The following TSHZ3 variants were observed in gnomAD, a reference collection of about 807,000 sequenced individuals.
TSHZ3 encodes teashirt homolog 3.
A neutral mutation model predicts 64.5 loss-of-function variants in TSHZ3; 10 were observed. That is an observed-to-expected ratio of 0.16 (90% confidence interval 0.10 to 0.26). The LOEUF is 0.26. TSHZ3 is among the 10% of genes least tolerant of loss of function. TSHZ3 has a pLI of 1.00. For missense variants in TSHZ3, 1,242 were observed against 1,421.7 expected (o/e 0.87, Z 2.03); for synonymous variants, 608 against 593.1 (o/e 1.03, Z -0.36).
chr19:31,298,737 A>T (rs1976703672), intron 1 of TSHZ3, among the ~76,000 whole-genome samples: 2 of 152,106 alleles, frequency 1.3e-5, no homozygotes, highest in Admixed American at 1.3e-4. Context: ...ACGCTTAGAG[A>T]GACAGAGAAT....
chr19:31,256,616 A>G (rs1273541135), intron 1 of TSHZ3, among the ~76,000 whole-genome samples: 1 of 152,094 alleles, frequency 6.6e-6, no homozygotes, highest in Non-Finnish European at 1.5e-5. Context: ...TTCATTTTCC[A>G]TTCATTCATT....
At chr19:31,311,944 G>A (rs1257834566) in intron 1 of TSHZ3, among the ~76,000 whole-genome samples, 1 of 152,036 alleles carries the variant, frequency 6.6e-6, no homozygotes, top group Non-Finnish European at 1.5e-5. Context: ...GGCTGGTCTC[G>A]AACTCCTGAC....
intron 1 of TSHZ3, among the ~76,000 whole-genome samples, chr19:31,346,897 C>T (rs2021535837): frequency 6.6e-6 from 1 of 151,602 alleles, no homozygotes; most frequent in African/African-American, 2.4e-5. Context: ...AGTCCGCCTC[C>T]ACCCCCTCCT....
chr19:31,345,447 G>A (rs1479169867), intron 1 of TSHZ3, among the ~76,000 whole-genome samples: 2 of 152,296 alleles, frequency 1.3e-5, no homozygotes, highest in Non-Finnish European at 2.9e-5. Flanking sequence ...CACCTCTTAG[G>A]CATGCCCATG....
chr19:31,212,250 G>T (rs1217629197), intron 4 of TSHZ3, among the ~76,000 whole-genome samples: 4 of 152,076 alleles, frequency 2.6e-5, no homozygotes, highest in African/African-American at 7.2e-5. Flanking sequence ...GAGGTCAGGA[G>T]TTCGAGACCA....
At chr19:31,273,696 CCT>C (rs1233794436), downstream of TSHZ3, among the ~76,000 whole-genome samples, 5 of 152,200 alleles carry the variant, frequency 3.3e-5, no homozygotes, top group Admixed American at 6.5e-5. Flanking sequence ...GTCTCTGTCC[CCT>C]GAGACGCATT....
At chr19:31,229,278 G>T (rs1453004456) in intron 3 of TSHZ3, among the ~76,000 whole-genome samples, 2 of 152,186 alleles carry the variant, frequency 1.3e-5, no homozygotes, top group Admixed American at 6.5e-5. Context: ...AGAAAGATTA[G>T]AAACATTTGC....
intron 3 of TSHZ3, among the ~76,000 whole-genome samples, chr19:31,235,362 A>T (rs952615195): frequency 2.0e-5 from 3 of 151,664 alleles, no homozygotes; most frequent in East Asian, 3.9e-4. Flanking sequence ...CCCAACCCCA[A>T]CCCCTGATAG....
intron 4 of TSHZ3, among the ~76,000 whole-genome samples, chr19:31,209,199 GA>G (rs1386289359): frequency 6.6e-6 from 1 of 151,750 alleles, no homozygotes. Context: ...AGGTGCAGGG[GA>G]AAAAAAAGAA....
At chr19:31,155,391 T>C (rs975215455) in intron 6 of TSHZ3, among the ~76,000 whole-genome samples, 1 of 152,238 alleles carries the variant, frequency 6.6e-6, no homozygotes, top group African/African-American at 2.4e-5. Flanking sequence ...GCCATAAATC[T>C]AATTTGTTTC....
At chr19:31,292,972 T>C (rs1466011791) in intron 1 of TSHZ3, among the ~76,000 whole-genome samples, 2 of 127,088 alleles carry the variant, frequency 1.6e-5, no homozygotes, top group Admixed American at 7.6e-5. Flanking sequence ...CAAAAACCCA[T>C]CCATCCATCC....
upstream of TSHZ3, among the ~76,000 whole-genome samples, chr19:31,350,867 A>C (rs2021702162): frequency 6.8e-6 from 1 of 146,434 alleles, no homozygotes; most frequent in Non-Finnish European, 1.5e-5. Flanking sequence ...GCCAGCTCTC[A>C]GGCCGGGAAT....
intron 3 of TSHZ3, among the ~76,000 whole-genome samples, chr19:31,237,683 C>A (rs1342495049): frequency 6.6e-6 from 1 of 152,124 alleles, no homozygotes; most frequent in East Asian, 1.9e-4. Flanking sequence ...AAAATAGAAA[C>A]ATCAATAATT....
At chr19:31,302,310 A>G (rs1976769840) in intron 1 of TSHZ3, among the ~76,000 whole-genome samples, 1 of 152,154 alleles carries the variant, frequency 6.6e-6, no homozygotes, top group Non-Finnish European at 1.5e-5. Context: ...GACTCTGCCC[A>G]TGTCCAGGAA....
chr19:31,215,742 G>A (rs1975318181), intron 4 of TSHZ3, among the ~76,000 whole-genome samples: 1 of 152,102 alleles, frequency 6.6e-6, no homozygotes, highest in African/African-American at 2.4e-5. Context: ...ATAGTGGTGT[G>A]TGCCTGTAAT....
At chr19:31,295,221 C>A (rs1353237296) in intron 1 of TSHZ3, among the ~76,000 whole-genome samples, 1 of 152,220 alleles carries the variant, frequency 6.6e-6, no homozygotes, top group African/African-American at 2.4e-5. Flanking sequence ...CCAACTGTTA[C>A]AACCATTTTG....
intron 1 of TSHZ3, among the ~76,000 whole-genome samples, chr19:31,269,238 C>T (rs1976099700): frequency 6.6e-6 from 1 of 152,062 alleles, no homozygotes; most frequent in African/African-American, 2.4e-5. Context: ...CAAATTAAAT[C>T]GACATCCAAA....
At chr19:31,180,966 A>G (rs895146885) in intron 5 of TSHZ3, among the ~76,000 whole-genome samples, 6 of 152,274 alleles carry the variant, frequency 3.9e-5, no homozygotes, top group Non-Finnish European at 7.4e-5. Flanking sequence ...CTCACCTGCT[A>G]ATTTCAGTAT....
At position 31,253,074 on chromosome 19, in the gene TSHZ3, T is replaced by C. The variant is rs1247739976; in HGVS notation, n.64-10199A>G. ...TATATAGATCTTGATAATAGAGTCC[T>C]AGTGCACGTCAAACATTTACTTGCT... On this transcript the variant is annotated intron_variant and non_coding_transcript_variant, in intron 1 of 6. Coordinates refer to the TSHZ3 transcript ENST00000651361. Among the ~76,000 whole-genome samples the C allele has an allele frequency of 5.9e-5, 9 of 152,222 alleles. No homozygotes were observed. The East Asian group carries it at 1.7e-3, about 29-fold the overall frequency.
Sources: allele counts gnomAD v4.1 joint callset (sites outside exome capture counted in the v4.1 genomes callset), GRCh38; gene constraint gnomAD v4.1.1; transcripts MANE v1.5; gene names NCBI Gene and HGNC (gene_info 2026-07-23, HGNC 2026-07-21).